CCAR1: variants seen among roughly 807,000 people sequenced by gnomAD.
CCAR1 encodes the protein cell division cycle and apoptosis regulator protein 1.
Under a neutral mutation model 163.8 loss-of-function variants are expected in CCAR1, and 78 were observed. That is an observed-to-expected ratio of 0.48 (90% CI 0.40 to 0.57). CCAR1 has a LOEUF of 0.57. Among genes scored for constraint, CCAR1 ranks in the 20% least tolerant of loss-of-function variants. The probability of loss-of-function intolerance (pLI) is 0.00; values close to 1 mark genes in which losing one functional copy is unlikely to be tolerated. For synonymous variants in CCAR1, 443 were observed against 460.7 expected (o/e 0.96, Z 0.49); for missense variants, 1,019 against 1,365.2 (o/e 0.75, Z 4.00).
chr10:68,729,923 T>C (rs1219647380), intron 2 of CCAR1, among the ~76,000 whole-genome samples: 1 of 796 alleles, frequency 1.3e-3, no homozygotes, highest in Non-Finnish European at 1.6e-3. Context: ...GATGACTCAC[T>C]TTTTTTTTTT....
intron 16 of CCAR1, among the ~76,000 whole-genome samples, chr10:68,764,555 G>C (rs1385462470): frequency 2.0e-5 from 3 of 151,792 alleles, no homozygotes; most frequent in Admixed American, 6.6e-5. Context: ...AAAAAAAGTT[G>C]CATGTATTGA....
chr10:68,727,264 A>G (rs934703618), intron 2 of CCAR1, among the ~76,000 whole-genome samples: 1 of 151,764 alleles, frequency 6.6e-6, no homozygotes, highest in Non-Finnish European at 1.5e-5. Context: ...TTTAGTAAAC[A>G]TGGGGTTTTG....
chr10:68,758,574 C>CA (rs1270334920), intron 15 of CCAR1, among the ~76,000 whole-genome samples: 1 of 149,034 alleles, frequency 6.7e-6, no homozygotes, highest in East Asian at 2.0e-4. Flanking sequence ...TATATGTACA[C>CA]ACGTTTGTAT....
intron 6 of CCAR1, among the ~76,000 whole-genome samples, chr10:68,743,385 C>T (rs187029758): frequency 3.3e-5 from 5 of 151,618 alleles, no homozygotes; most frequent in African/African-American, 1.2e-4. Flanking sequence ...AGGCTGGTCT[C>T]GAACTCCCGA....
chr10:68,737,144 T>G, intron 3 of CCAR1, 96 bp downstream of exon 3: 1 of 795,608 alleles, frequency 1.3e-6, no homozygotes, highest in Middle Eastern at 3.5e-4. Context: ...AGTGAAGAAT[T>G]ATGTGTTTTT....
chr10:68,785,854 G>A lies in CCAR1; in HGVS notation c.2651-282G>A, dbSNP rs1055559418. Among the ~76,000 whole-genome samples, 7 of 152,170 alleles carry A rather than the reference G, an allele frequency of 4.6e-5. No individual in the cohort carries two copies. In the South Asian group the frequency reaches 1.0e-3, roughly 23 times the overall value. ...ACATTTCTTATAAATGGAATAACAC[G>A]ATAAGTGATTTTTTTGTGACTGGCT... is the stretch of plus-strand genomic sequence containing the variant. On this transcript the variant is annotated intron_variant, in intron 19 of 24. Coordinates refer to ENST00000265872, the MANE Select transcript of CCAR1 (RefSeq NM_018237.4).
intron 19 of CCAR1, among the ~76,000 whole-genome samples, chr10:68,780,260 C>G (rs562726023): frequency 6.6e-6 from 1 of 152,272 alleles, no homozygotes; most frequent in Admixed American, 6.5e-5. Context: ...CAGTAGCACG[C>G]TCGTGGCTCA....
At position 68,755,428 on chromosome 10, in the gene CCAR1, C is replaced by T. The variant is rs2056387180; in HGVS notation, c.1517C>T (p.Pro506Leu). The change falls in exon 13 of 25, where the codon CCT (proline) becomes CTT (leucine). Residue 506 changes from proline (P) to leucine (L), a missense_variant. Around this residue, in one of 4 missense-constraint regions of CCAR1, gnomAD observed 644 missense variants for 904.4 expected, o/e 0.71. Transcript: ENST00000265872. ...EAMAIGGHWS[P>L]SLDGPDPEKD... ...ATGGCCATTGGAGGCCACTGGTCTC[C>T]TTCGTTGGATGGACCAGACCCAGAA... is the stretch of plus-strand genomic sequence containing the variant. 6.8e-6 allele frequency: 11 copies of T among 1,613,962 alleles called. No homozygotes were observed. The highest frequency in any genetic ancestry group is 1.1e-5 in the South Asian group (1 of 91,080).
intron 1 of CCAR1, among the ~76,000 whole-genome samples, chr10:68,721,845 T>C (rs1016626040): frequency 6.6e-6 from 1 of 152,076 alleles, no homozygotes; most frequent in Non-Finnish European, 1.5e-5. Flanking sequence ...ATCTTCGCCT[T>C]TTCTGGTTTA....
chr10:68,752,441 G>T (rs1308808993), intron 10 of CCAR1, among the ~76,000 whole-genome samples: 1 of 152,092 alleles, frequency 6.6e-6, no homozygotes, highest in Non-Finnish European at 1.5e-5. Context: ...GGTAAAACAT[G>T]ACTTCATAAA....
intron 2 of CCAR1, among the ~76,000 whole-genome samples, chr10:68,732,735 A>G (rs940851442): frequency 6.6e-6 from 1 of 152,190 alleles, no homozygotes; most frequent in African/African-American, 2.4e-5. Flanking sequence ...TCCATTTTGC[A>G]TACGGTTTCA....
At chr10:68,748,556 T>C in intron 8 of CCAR1, among the ~76,000 whole-genome samples, 1 of 150,144 alleles carries the variant, frequency 6.7e-6, no homozygotes, top group Non-Finnish European at 1.5e-5. Flanking sequence ...TGGTGTAATC[T>C]TGGCTCACTG....
intron 5 of CCAR1, among the ~76,000 whole-genome samples, chr10:68,741,984 A>G (rs2056189840): frequency 1.3e-5 from 2 of 152,222 alleles, no homozygotes; most frequent in Non-Finnish European, 2.9e-5. Flanking sequence ...TAGAAAAACA[A>G]TAGAAGTTCT....
chr10:68,787,753 T>G, intron 21 of CCAR1, 174 bp from the exon 22 acceptor site: 1 of 523,674 alleles, frequency 1.9e-6, no homozygotes, highest in Non-Finnish European at 3.3e-6. Flanking sequence ...GAGAATCGCT[T>G]GAACCTGGGA....
intron 6 of CCAR1, among the ~76,000 whole-genome samples, chr10:68,745,539 CT>C (rs1261139107): frequency 6.6e-6 from 1 of 151,700 alleles, no homozygotes; most frequent in Non-Finnish European, 1.5e-5. Flanking sequence ...TCTCGGCTCA[CT>C]GCAGCCTCTG....
At chr10:68,787,288 A>G (rs746113068) in intron 21 of CCAR1, among the ~76,000 whole-genome samples, 3 of 151,136 alleles carry the variant, frequency 2.0e-5, no homozygotes, top group Non-Finnish European at 2.9e-5. Flanking sequence ...ACAGTATTCT[A>G]TAGATACATT....
At chr10:68,739,551 A>C (rs1439192365) in intron 4 of CCAR1, among the ~76,000 whole-genome samples, 1 of 152,198 alleles carries the variant, frequency 6.6e-6, no homozygotes, top group Admixed American at 6.6e-5. Flanking sequence ...TTGAGGCTTC[A>C]GAAGCATTGC....
intron 6 of CCAR1, among the ~76,000 whole-genome samples, chr10:68,743,048 T>G (rs1215579153): frequency 6.6e-6 from 1 of 152,122 alleles, no homozygotes; most frequent in Non-Finnish European, 1.5e-5. Context: ...TTCTCCTGCC[T>G]CAGCCTCCCG....
rs374904314 is a variant in CCAR1 at position 68,743,225 on chromosome 10, C to T, written c.518+656C>T. On this transcript the variant is annotated intron_variant, in intron 6 of 24. Coordinates refer to ENST00000265872, the MANE Select transcript of CCAR1 (RefSeq NM_018237.4). ...CTTTTTTTTTTTTTTGAGACAGCGC[C>T]TCACTCTGTAACTCAGGCTGGAGTG... is the stretch of plus-strand genomic sequence containing the variant. Among the ~76,000 whole-genome samples the T allele has an allele frequency of 2.7e-3, 414 of 150,874 alleles. 2 individuals carry two copies. Among genetic ancestry groups the T allele is most frequent in the South Asian group, 0.017 (79 of 4,744 alleles).
Sources: allele counts gnomAD v4.1 joint callset (sites outside exome capture counted in the v4.1 genomes callset), GRCh38; gene constraint gnomAD v4.1.1; regional missense constraint gnomAD v4.1.1; transcripts MANE v1.5; gene names NCBI Gene and HGNC (gene_info 2026-07-23, HGNC 2026-07-21).